The following NT5DC3 variants were observed in gnomAD, a reference collection of about 807,000 sequenced individuals.
NT5DC3 encodes 5'-nucleotidase domain containing 3.
Under a neutral mutation model 67.8 loss-of-function variants are expected in NT5DC3, and 42 were observed. The observed-to-expected ratio is 0.62, with a 90% CI of 0.48 to 0.80. NT5DC3 has a LOEUF of 0.80. Among genes scored for constraint, NT5DC3 ranks in the 30% least tolerant of loss-of-function variants. The pLI is 0.00. For synonymous variants in NT5DC3, 237 were observed against 255.6 expected (o/e 0.93, Z 0.69); for missense variants, 570 against 696.4 (o/e 0.82, Z 2.04).
chr12:103,764,568 G>A, the NT5DC3 span, among the ~76,000 whole-genome samples: 4 of 152,106 alleles, frequency 2.6e-5, no homozygotes, highest in Non-Finnish European at 5.9e-5. Context: ...AAAATACATA[G>A]GAATAGAACT....
chr12:103,778,731 G>C (rs1885430979), intron 13 of NT5DC3, among the ~76,000 whole-genome samples: 1 of 151,978 alleles, frequency 6.6e-6, no homozygotes, highest in Non-Finnish European at 1.5e-5. Context: ...ACTTGAGCCT[G>C]GGTGGTTGAG....
chr12:103,816,077 T>C (rs1887238361), intron 1 of NT5DC3, among the ~76,000 whole-genome samples: 1 of 152,202 alleles, frequency 6.6e-6, no homozygotes, highest in African/African-American at 2.4e-5. Flanking sequence ...TATTCAATCA[T>C]GATCCTACAC....
the NT5DC3 span, among the ~76,000 whole-genome samples, chr12:103,764,016 C>T: frequency 6.6e-6 from 1 of 151,562 alleles, no homozygotes; most frequent in Non-Finnish European, 1.5e-5. Flanking sequence ...GATGGAGTCT[C>T]ACTCTGTCAC....
At chr12:103,807,199 C>G (rs1886837314) in intron 2 of NT5DC3, among the ~76,000 whole-genome samples, 1 of 152,272 alleles carries the variant, frequency 6.6e-6, no homozygotes, top group East Asian at 1.9e-4. Context: ...CTTCTCTCAA[C>G]TCTCTCCTCT....
intron 12 of NT5DC3, among the ~76,000 whole-genome samples, chr12:103,782,582 C>G (rs1439350685): frequency 6.6e-6 from 1 of 152,208 alleles, no homozygotes; most frequent in Non-Finnish European, 1.5e-5. Flanking sequence ...TTTGCAGAAG[C>G]TTGCTGACCT....
rs1443117702 is a variant in NT5DC3, at chr12:103,814,853, T to C, written c.393+84A>G. The C allele has an allele frequency of 7.5e-6, 7 of 930,772 alleles. No homozygotes were observed. The Admixed American group carries it at 1.8e-4, about 23-fold the overall frequency. 57.7% of individuals were successfully genotyped at this position (930,772 alleles called of 1,614,324 possible). Reference sequence around the variant, plus strand: ...AACAATTTATTAAATGACTTCTCTGTGGCAGACTTGGGGTCATGTCAGCTC... The same window carrying C: ...AACAATTTATTAAATGACTTCTCTGCGGCAGACTTGGGGTCATGTCAGCTC... On this transcript the variant is annotated intron_variant, in intron 2 of 13. Coordinates refer to ENST00000392876, the MANE Select transcript of NT5DC3 (RefSeq NM_001031701.3).
chr12:103,801,484 G>A (rs1886578936), intron 4 of NT5DC3, among the ~76,000 whole-genome samples: 1 of 140,690 alleles, frequency 7.1e-6, no homozygotes. Context: ...CCAGGTTCAC[G>A]CCATTCTCCT....
chr12:103,765,837 C>T (rs576314886), downstream of NT5DC3, among the ~76,000 whole-genome samples: 27 of 152,310 alleles, frequency 1.8e-4, no homozygotes, highest in South Asian at 4.6e-3. Context: ...CCACCATGCC[C>T]GGCTGAGCGG....
chr12:103,807,408 T>C (rs1259372829), intron 2 of NT5DC3, among the ~76,000 whole-genome samples: 2 of 152,224 alleles, frequency 1.3e-5, no homozygotes, highest in Admixed American at 6.5e-5. Context: ...TGTGAGCACC[T>C]TGATGTGGCA....
At chr12:103,765,259 TATCAGCACC>T in the NT5DC3 span, among the ~76,000 whole-genome samples, 1 of 152,174 alleles carries the variant, frequency 6.6e-6, no homozygotes, top group Non-Finnish European at 1.5e-5. Flanking sequence ...CTGAGGGCTC[TATCAGCACC>T]ATGCATGAAA....
chr12:103,798,547 GA>G, intron 5 of NT5DC3, 39 bp downstream of exon 5: 6 of 1,413,970 alleles, frequency 4.2e-6, no homozygotes, highest in Non-Finnish European at 6.0e-6. Context: ...TTTCAAGAAG[GA>G]AAAAGGCTGC....
intron 1 of NT5DC3, among the ~76,000 whole-genome samples, chr12:103,839,071 C>G (rs117304665): frequency 6.6e-6 from 1 of 152,316 alleles, no homozygotes; most frequent in Non-Finnish European, 1.5e-5. Flanking sequence ...TGTGAGAAAA[C>G]TGTACAGAAA....
Position 103,837,473 on chromosome 12 carries a change from G to A in NT5DC3, c.208+3476C>T, listed in dbSNP as rs139087758. 3.6e-3 allele frequency among the ~76,000 whole-genome samples: 550 copies of A among 152,306 alleles called. 2 individuals carry two copies. The highest frequency in any genetic ancestry group is 0.013 in the African/African-American group (520 of 41,570). Reference sequence around the variant, plus strand: ...TTCTTTTCTACTGCATCGTCAGCCTGCAAATTTTCGGAGCTTTTATGCTCT... The same window carrying A: ...TTCTTTTCTACTGCATCGTCAGCCTACAAATTTTCGGAGCTTTTATGCTCT... On this transcript the variant is annotated intron_variant, in intron 1 of 13. Transcript: ENST00000392876.
At position 103,788,974 on chromosome 12, in the gene NT5DC3, T is replaced by A. The variant is rs1032956637; in HGVS notation, c.1020-55A>T. 1.2e-5 allele frequency: 14 copies of A among 1,153,252 alleles called. No homozygotes were observed. In the African/African-American group the frequency reaches 2.1e-4, roughly 17 times the overall value. 71.4% of individuals were successfully genotyped at this position (1,153,252 alleles called of 1,614,324 possible). A position where few individuals can be genotyped will look rare whatever the true frequency, so the allele number is the denominator to read the frequency against. On this transcript the variant is annotated intron_variant, in intron 9 of 13. Coordinates refer to ENST00000392876, the MANE Select transcript of NT5DC3 (RefSeq NM_001031701.3). ...ATGGAGTAGTACAGGCTGTCTGCTC[T>A]ATGAAATACCAGTTATTCACTATCA...
chr12:103,797,116 CT>C, intron 5 of NT5DC3, 85 bp from the exon 6 acceptor site: 4 of 1,447,896 alleles, frequency 2.8e-6, no homozygotes, highest in Non-Finnish European at 1.9e-6. Context: ...AGCAGGAAGC[CT>C]TTTCCGTGAC....
intron 1 of NT5DC3, 134 bp from the exon 2 acceptor site, chr12:103,815,255 C>G (rs1216260764): frequency 3.4e-6 from 2 of 583,694 alleles, no homozygotes; most frequent in East Asian, 5.9e-5. Flanking sequence ...GTGAAGGAAG[C>G]CAGCCACAAA....
At chr12:103,765,741 C>T (rs896271160), downstream of NT5DC3, among the ~76,000 whole-genome samples, 3 of 111,268 alleles carry the variant, frequency 2.7e-5, no homozygotes, top group African/African-American at 2.9e-5. Flanking sequence ...AAGGTTTCAC[C>T]GTGTTGCTCA....
intron 2 of NT5DC3, among the ~76,000 whole-genome samples, chr12:103,814,236 T>A (rs1224750988): frequency 1.3e-5 from 2 of 152,028 alleles, no homozygotes; most frequent in South Asian, 2.1e-4. Context: ...AGAAAAGAGG[T>A]CAATGGTAAC....
intron 1 of NT5DC3, among the ~76,000 whole-genome samples, chr12:103,831,860 T>C (rs956287703): frequency 5.4e-5 from 8 of 148,160 alleles, no homozygotes; most frequent in Non-Finnish European, 1.0e-4. Context: ...ACTGCAACCT[T>C]CACTTCCCGG....
Sources: gnomAD v4.1 joint callset for allele counts (sites outside exome capture counted in the v4.1 genomes callset) on GRCh38, gnomAD v4.1.1 for gene constraint, MANE v1.5 for transcripts, NCBI Gene and HGNC (gene_info 2026-07-23, HGNC 2026-07-21) for gene names.